EIF2B3: variants seen among roughly 807,000 people sequenced by gnomAD.
EIF2B3 encodes eukaryotic translation initiation factor 2B subunit gamma.
Under a neutral mutation model 54.1 loss-of-function variants are expected in EIF2B3, and 20 were observed. That is an observed-to-expected ratio of 0.37 (90% CI 0.26 to 0.54). EIF2B3 has a LOEUF of 0.54. Among genes scored for constraint, EIF2B3 ranks in the 20% least tolerant of loss-of-function variants. The probability of loss-of-function intolerance (pLI) is 0.86; values close to 1 mark genes in which losing one functional copy is unlikely to be tolerated. For synonymous variants in EIF2B3, 153 were observed against 188.1 expected (o/e 0.81, Z 1.52); for missense variants, 448 against 547.8 (o/e 0.82, Z 1.82).
chr1:44,943,258 G>A (rs1357393760), intron 3 of EIF2B3, among the ~76,000 whole-genome samples: 1 of 147,918 alleles, frequency 6.8e-6, no homozygotes, highest in Non-Finnish European at 1.5e-5. Context: ...GAACTGGTGG[G>A]CTCAAACAAT....
rs183945180 is a variant in EIF2B3 at position 44,851,324 on chromosome 1, C to A, written c.1307-321G>T. Among the ~76,000 whole-genome samples, 275 of 152,246 alleles carry A rather than the reference C, an allele frequency of 1.8e-3. 1 individual carries two copies. The highest frequency in any genetic ancestry group is 6.3e-3 in the African/African-American group (261 of 41,550). ...AGGTGATCTGCCAGCCTCAGCCTCC[C>A]AAAGTGCTGGGATTACAGGTATGAG... On this transcript the variant is annotated intron_variant, in intron 11 of 11. Coordinates refer to ENST00000360403, the MANE Select transcript of EIF2B3 (RefSeq NM_020365.5).
intron 4 of EIF2B3, among the ~76,000 whole-genome samples, chr1:44,927,580 G>C (rs1353980978): frequency 6.6e-6 from 1 of 152,108 alleles, no homozygotes; most frequent in Non-Finnish European, 1.5e-5. Flanking sequence ...GTGTCCTATA[G>C]CACATGCCAT....
chr1:44,881,608 T>A lies in EIF2B3; in HGVS notation c.784+4A>T. 2 of 1,614,068 alleles carry A rather than the reference T, an allele frequency of 1.2e-6. No individual in the cohort carries two copies. Among genetic ancestry groups the A allele is most frequent in the South Asian group, 1.1e-5 (1 of 91,084 alleles). On this transcript the variant is annotated splice_donor_region_variant and intron_variant, in intron 7 of 11. Transcript: ENST00000360403. The surrounding 1 kb of genome is among the most constrained non-coding windows in gnomAD (Gnocchi z 4.0). ...CCTCTTACTGAACCAACCCAAGAAC[T>A]GACCTAAGGACTTCAGCTCCTTTTT...
chr1:44,980,187 AGGCACGGT>A (rs1332003261), intron 2 of EIF2B3, among the ~76,000 whole-genome samples: 1 of 152,066 alleles, frequency 6.6e-6, no homozygotes, highest in Non-Finnish European at 1.5e-5. Flanking sequence ...TTTCCTGGCC[AGGCACGGT>A]GGCTCATGCC....
At position 44,877,189 on chromosome 1, in the gene EIF2B3, C is replaced by A. The variant is rs1183862109; in HGVS notation, c.976-1494G>T. Reference sequence around the variant, plus strand: ...TCTGCGAGAAACACCCAAGAATGATCAATAAAAAAAAAAAAAAAAAAAAAA... The same window carrying A: ...TCTGCGAGAAACACCCAAGAATGATAAATAAAAAAAAAAAAAAAAAAAAAA... On this transcript the variant is annotated intron_variant, in intron 8 of 11. Transcript: ENST00000360403. Among the ~76,000 whole-genome samples the A allele has an allele frequency of 7.5e-4, 22 of 29,492 alleles. No individual in the cohort carries two copies. The East Asian group carries it at 0.017, about 23-fold the overall frequency. 19.3% of individuals were successfully genotyped at this position (29,492 alleles called of 152,430 possible). A position where few individuals can be genotyped will look rare whatever the true frequency, so the allele number is the denominator to read the frequency against.
intron 3 of EIF2B3, among the ~76,000 whole-genome samples, chr1:44,953,585 T>C (rs561612525): frequency 6.8e-4 from 103 of 152,254 alleles, no homozygotes; most frequent in African/African-American, 2.2e-3. Context: ...GAGATCAGCC[T>C]GGGCAACATG....
At chr1:44,857,557 A>C in intron 11 of EIF2B3, 147 bp downstream of exon 11, 1 of 763,114 alleles carries the variant, frequency 1.3e-6, no homozygotes, top group Non-Finnish European at 2.2e-6. Flanking sequence ...CAGTGATGTC[A>C]ACTGCTCTCC....
chr1:44,943,316 C>T (rs1004757098), intron 3 of EIF2B3, among the ~76,000 whole-genome samples: 7 of 152,010 alleles, frequency 4.6e-5, no homozygotes, highest in Admixed American at 1.3e-4. Flanking sequence ...TGAGCCACCA[C>T]GCCTGGCCAA....
chr1:44,904,309 A>G (rs1643371690), intron 5 of EIF2B3, among the ~76,000 whole-genome samples: 1 of 152,226 alleles, frequency 6.6e-6, no homozygotes, highest in South Asian at 2.1e-4. Flanking sequence ...GAATGTTAAC[A>G]GAGAAGGAAG....
At chr1:44,882,935 T>C (rs1286848763) in intron 6 of EIF2B3, among the ~76,000 whole-genome samples, 86 of 144,526 alleles carry the variant, frequency 6.0e-4, no homozygotes, top group Middle Eastern at 6.8e-3. Context: ...TTTCTTTTTT[T>C]TTTTTTTTTT....
Position 44,910,938 on chromosome 1 carries a change from C to T in EIF2B3, c.567-13494G>A, listed in dbSNP as rs114775740. Among the ~76,000 whole-genome samples the T allele has an allele frequency of 3.0e-3, 460 of 151,880 alleles. 3 individuals are homozygous for T. The highest frequency in any genetic ancestry group is 0.011 in the African/African-American group (439 of 41,348). On this transcript the variant is annotated intron_variant, in intron 5 of 11. Coordinates refer to ENST00000360403, the MANE Select transcript of EIF2B3 (RefSeq NM_020365.5). The stretch of plus-strand genomic sequence containing the variant: ...TCAGTGGTAATCTGAGATTTTGGCG[C>T]ACCCATCTCCTGAGCAGTATAGACT...
chr1:44,953,743 T>G (rs2148950195), intron 3 of EIF2B3, among the ~76,000 whole-genome samples: 1 of 152,328 alleles, frequency 6.6e-6, no homozygotes, highest in African/African-American at 2.4e-5. Context: ...CAGTGAGCCA[T>G]GATCACATCA....
rs138474372 is a variant in EIF2B3, at chr1:44,920,342, G to A, written c.566+6286C>T. 4.4e-4 allele frequency among the ~76,000 whole-genome samples: 67 copies of A among 152,072 alleles called. No homozygotes were observed. The East Asian group carries it at 0.012, about 28-fold the overall frequency. On this transcript the variant is annotated intron_variant, in intron 5 of 11. Coordinates refer to ENST00000360403, the MANE Select transcript of EIF2B3 (RefSeq NM_020365.5). ...GTAATAATCACATCAGGGTAAATGG[G>A]GGTATCCATTACCTCAAGCATTTAT...
intron 3 of EIF2B3, among the ~76,000 whole-genome samples, chr1:44,969,019 G>C (rs533032240): frequency 1.3e-4 from 20 of 151,966 alleles, no homozygotes; most frequent in African/African-American, 4.8e-4. Flanking sequence ...CATTATATGC[G>C]CCCTCCTTTA....
intron 3 of EIF2B3, among the ~76,000 whole-genome samples, chr1:44,976,661 A>G (rs1346303013): frequency 2.0e-5 from 3 of 152,206 alleles, no homozygotes; most frequent in East Asian, 1.9e-4. Context: ...ATAACTGTCA[A>G]TAGGAGGATA....
At position 44,877,483 on chromosome 1, in the gene EIF2B3, G is replaced by C. The variant is rs75467226; in HGVS notation, c.976-1788C>G. On this transcript the variant is annotated intron_variant, in intron 8 of 11. Transcript: ENST00000360403. The stretch of plus-strand genomic sequence containing the variant: ...TACCACCTCTTGGGAAAGGAGGCCT[G>C]ATCAGGTCAAGGAACACCCCGCATC... Among the ~76,000 whole-genome samples, 216 of 152,256 alleles carry C rather than the reference G, an allele frequency of 1.4e-3. 4 individuals are homozygous for C. In the East Asian group the frequency reaches 0.029, roughly 21 times the overall value.
intron 3 of EIF2B3, among the ~76,000 whole-genome samples, chr1:44,942,453 G>T (rs1449448853): frequency 2.8e-5 from 2 of 70,464 alleles, no homozygotes; most frequent in African/African-American, 1.4e-4. Flanking sequence ...TTCCAGACAG[G>T]GTCTTACTCT....
At chr1:44,877,207 A>AAAC (rs1557666520) in intron 8 of EIF2B3, among the ~76,000 whole-genome samples, 6 of 148,136 alleles carry the variant, frequency 4.1e-5, no homozygotes, top group African/African-American at 1.3e-4. Context: ...AAAAAAAAAA[A>AAAC]AAAAAAAAAA....
chr1:44,972,261 A>G (rs1198280779), intron 3 of EIF2B3, among the ~76,000 whole-genome samples: 33 of 86,866 alleles, frequency 3.8e-4, no homozygotes, highest in African/African-American at 1.3e-3. Flanking sequence ...ACACACACAC[A>G]CACACATATA....
Sources: gnomAD v4.1 joint callset for allele counts (sites outside exome capture counted in the v4.1 genomes callset) on GRCh38, gnomAD v4.1.1 for gene constraint, Gnocchi (gnomAD v3.1) non-coding constraint, MANE v1.5 for transcripts, NCBI Gene and HGNC (gene_info 2026-07-23, HGNC 2026-07-21) for gene names.